Variants in KCP observed in about 807,000 individuals in gnomAD.
KCP encodes the protein kielin cysteine rich BMP regulator, also known as kielin/chordin-like protein.
Under a neutral mutation model 212.7 loss-of-function variants are expected in KCP, and 194 were observed. The observed-to-expected ratio is 0.91, with a 90% confidence interval of 0.81 to 1.03. The LOEUF (loss-of-function observed/expected upper bound fraction) is 1.03. Ranked by LOEUF, KCP falls within the 50% of genes least tolerant of loss-of-function variation. The pLI, the probability that KCP is intolerant of heterozygous loss-of-function variation, is 0.00. For missense variants in KCP, 2,080 were observed against 2,162.5 expected, an observed-to-expected ratio of 0.96 and a Z score of 0.76; for synonymous variants, 833 against 865.3, an observed-to-expected ratio of 0.96 and a Z score of 0.65.
At chr7:128,902,564 A>C (rs1395484865) in intron 8 of KCP, among the ~76,000 whole-genome samples, 1 of 152,132 alleles carries the variant, frequency 6.6e-6, no homozygotes, top group African/African-American at 2.4e-5. Context: ...TTCATTCACT[A>C]ACCCGGGCTG....
At position 128,907,278 on chromosome 7, in the gene KCP, A is replaced by AG; in HGVS notation, c.394dup (p.Leu132ProfsTer49). 1 of 1,534,148 alleles carries AG rather than the reference A, an allele frequency of 6.5e-7. No individual in the cohort carries two copies. Among genetic ancestry groups the AG allele is most frequent in the Non-Finnish European group, 8.8e-7 (1 of 1,133,062 alleles). On this transcript the variant is annotated frameshift_variant, in exon 3 of 40. Coordinates refer to ENST00000610776, the MANE Select transcript of KCP (RefSeq NM_001366122.1). LOFTEE classifies it high-confidence loss of function. ...GTGGCACTTACCCCTGCAATGGGGCAGGTGTGCTTGGGGGCCACAGTGAGC... is the reference window on the plus strand; with the variant it reads ...GTGGCACTTACCCCTGCAATGGGGCAGGGTGTGCTTGGGGGCCACAGTGAGC...
chr7:128,884,009 G>C lies in KCP; in HGVS notation c.3237C>G (p.Thr1079=), dbSNP rs528530371. 44 of 1,548,784 alleles carry C rather than the reference G, an allele frequency of 2.8e-5. 1 individual carries two copies. The Admixed American group carries it at 6.7e-4, about 24-fold the overall frequency. ...LPPGPQHCCP[T]CAEALSNCSE... ...CCACATCCCTGGACTCACCGGCACAGGTGGGACAGCAGTGCTGGGGCCCAG... is the reference window on the plus strand; with the variant it reads ...CCACATCCCTGGACTCACCGGCACACGTGGGACAGCAGTGCTGGGGCCCAG... The change falls in exon 29 of 40, where the codon ACC becomes ACG. Residue 1079 remains threonine (T), a synonymous_variant. Transcript: ENST00000610776.
chr7:128,908,392 T>A, intron 2 of KCP, 34 bp downstream of exon 2: 1 of 1,536,674 alleles, frequency 6.5e-7, no homozygotes, highest in Non-Finnish European at 8.8e-7. Context: ...AAGCCCTCCT[T>A]ACCCAATGCA....
Position 128,907,459 on chromosome 7 carries a change from G to C in KCP, c.220-6C>G. On this transcript the variant is annotated splice_region_variant and splice_polypyrimidine_tract_variant and intron_variant, in intron 2 of 39. Coordinates refer to ENST00000610776, the MANE Select transcript of KCP (RefSeq NM_001366122.1). Reference sequence around the variant, plus strand: ...CTCGTCTGCAGGTCCTTATTCTGGAGGAAGGAGATGGAATAGCAGGCACTG... The same window carrying C: ...CTCGTCTGCAGGTCCTTATTCTGGACGAAGGAGATGGAATAGCAGGCACTG... The C allele has an allele frequency of 6.8e-7, 1 of 1,463,166 alleles. No individual in the cohort carries two copies. The highest frequency in any genetic ancestry group is 9.1e-7 in the Non-Finnish European group (1 of 1,098,580). The allele number at this position is 1,463,166 out of a possible 1,614,324, so 90.6% of individuals were successfully genotyped here.
intron 2 of KCP, among the ~76,000 whole-genome samples, 148 bp downstream of exon 2, chr7:128,908,271 AAAGAAAG>A (rs1795251468): frequency 6.7e-6 from 1 of 149,684 alleles, no homozygotes; most frequent in African/African-American, 2.5e-5. Flanking sequence ...AGAAAGAAAG[AAAGAAAG>A]AAAGAAAGAA....
rs992481657 is a variant in KCP at position 128,884,053 on chromosome 7, G to C, written c.3193C>G (p.Pro1065Ala). 1.3e-4 allele frequency: 204 copies of C among 1,546,074 alleles called. No homozygotes were observed. The highest frequency in any genetic ancestry group is 1.7e-4 in the Non-Finnish European group (192 of 1,145,470). ...RQCPSLVGCP[P>A]SQLLPPGPQH... ...GGCCCAGGGGGCAGGAGCTGGCTGG[G>C]GGGGCAGCCCACCAGGCTGGGACAC... The change falls in exon 29 of 40, where the codon CCC becomes GCC. Residue 1065 changes from proline (P) to alanine (A), a missense_variant. Physicochemically the swap from Pro to Ala is conservative, Grantham distance 27 (BLOSUM62 -1). Transcript: ENST00000610776.
intron 5 of KCP, among the ~76,000 whole-genome samples, chr7:128,905,397 G>A (rs1489924402): frequency 6.6e-6 from 1 of 152,052 alleles, no homozygotes; most frequent in Non-Finnish European, 1.5e-5. Context: ...CCCCTGCATA[G>A]CCATGACCTC....
intron 28 of KCP, 48 bp from the exon 29 acceptor site, chr7:128,884,170 G>A (rs1793503756): frequency 6.6e-7 from 1 of 1,505,614 alleles, no homozygotes. Flanking sequence ...CAAAAACCCA[G>A]AGCTGCCCTT....
In KCP at chr7:128,907,152, G is replaced by C. The variant is rs909358331; in HGVS notation, c.435C>G (p.Tyr145Ter). ...CTGGGGAGAAGGTCTCCCCGTTGCCGTAGGTCTGGCCATTTTGGCTGCAGC... is the reference window on the plus strand; with the variant it reads ...CTGGGGAGAAGGTCTCCCCGTTGCCCTAGGTCTGGCCATTTTGGCTGCAGC... ...CRGCSQNGQT[Y>*]GNGETFSPDA... Residue 145 changes from tyrosine (Y) to a stop codon, truncating the protein, a stop_gained, in exon 4 of 40, where the codon TAC (tyrosine) becomes TAG (stop). Coordinates refer to ENST00000610776, the MANE Select transcript of KCP (RefSeq NM_001366122.1). LOFTEE classifies it high-confidence loss of function. The C allele has an allele frequency of 6.4e-7, 1 of 1,551,548 alleles. No individual in the cohort carries two copies. The highest frequency in any genetic ancestry group is 8.7e-7 in the Non-Finnish European group (1 of 1,146,894).
At chr7:128,888,597 C>A (rs1387518340) in intron 22 of KCP, among the ~76,000 whole-genome samples, 2 of 147,896 alleles carry the variant, frequency 1.4e-5, no homozygotes, top group East Asian at 4.2e-4. Context: ...CACACAGAGC[C>A]ACACACACAC....
chr7:128,882,606 CT>C (rs777122237), intron 29 of KCP, among the ~76,000 whole-genome samples: 1 of 152,192 alleles, frequency 6.6e-6, no homozygotes, highest in Admixed American at 6.5e-5. Flanking sequence ...TTCCCTTCCC[CT>C]GAAGCACCCC....
Position 128,892,967 on chromosome 7 carries a change from C to T in KCP, c.1322G>A (p.Gly441Asp), listed in dbSNP as rs1794267432. The change falls in exon 14 of 40, where the codon GGT becomes GAT. Residue 441 changes from glycine (G) to aspartate (D), a missense_variant. Gly to Asp is a moderately conservative substitution (Grantham distance 94). Coordinates refer to ENST00000610776, the MANE Select transcript of KCP (RefSeq NM_001366122.1). The part of the protein sequence containing the change: ...FAEGVQWEPD[G>D]RPCTACVCQD... Reference sequence around the variant, plus strand: ...ACAGACGCAGGCGGTGCAGGGCCGACCATCAGGCTCCCACTGGACTCCCTC... The same window carrying T: ...ACAGACGCAGGCGGTGCAGGGCCGATCATCAGGCTCCCACTGGACTCCCTC... 11 of 1,219,742 alleles carry T rather than the reference C, an allele frequency of 9.0e-6. No homozygotes were observed. Among genetic ancestry groups the T allele is most frequent in the Non-Finnish European group, 1.3e-5 (11 of 843,896 alleles). 75.6% of individuals were successfully genotyped at this position (1,219,742 alleles called of 1,614,324 possible).
chr7:128,893,706 G>A, intron 11 of KCP, 100 bp downstream of exon 11: 1 of 1,313,670 alleles, frequency 7.6e-7, no homozygotes, highest in Non-Finnish European at 1.0e-6. Flanking sequence ...TGGGAACAGG[G>A]TAACAGGGGC....
chr7:128,902,826 C>T lies in KCP; in HGVS notation c.782G>A (p.Gly261Asp), dbSNP rs1462416978. 6.4e-7 allele frequency: 1 copy of T among 1,551,456 alleles called. No homozygotes were observed. Among genetic ancestry groups the T allele is most frequent in the Non-Finnish European group, 8.7e-7 (1 of 1,146,992 alleles). The change falls in exon 8 of 40, where the codon GGC becomes GAC. Residue 261 changes from glycine (G) to aspartate (D), a missense_variant. Gly to Asp is a moderately conservative substitution (Grantham distance 94). Transcript: ENST00000610776. ...GTCCCCAGGTGTTGTCCACTCTTGG[C>T]CATGTTCCCAGTGAGAGCCACCTTC... ...CTEGGSHWEH[G>D]QEWTTPGDPC...
In KCP at chr7:128,888,985, C is replaced by CG. The variant is rs775476746; in HGVS notation, c.2389dup (p.Arg797ProfsTer22). ...ACAGGTACACAGGTTGCAGGGTTCT[C>CG]GGGGGTCTGGGAACTCCTGGTTACT... On this transcript the variant is annotated frameshift_variant, in exon 22 of 40. Coordinates refer to ENST00000610776, the MANE Select transcript of KCP (RefSeq NM_001366122.1). LOFTEE classifies it high-confidence loss of function. 87 of 1,542,782 alleles carry CG rather than the reference C, an allele frequency of 5.6e-5. No individual in the cohort carries two copies. The highest frequency in any genetic ancestry group is 8.1e-5 in the Admixed American group (4 of 49,576).
chr7:128,878,943 C>T, intron 37 of KCP: 1 of 523,704 alleles, frequency 1.9e-6, no homozygotes, highest in Non-Finnish European at 3.4e-6. Context: ...GGAGGAGCTG[C>T]CCACAGCTCC....
intron 6 of KCP, 64 bp from the exon 7 acceptor site, chr7:128,903,884 T>C (rs939708840): frequency 3.1e-5 from 18 of 576,168 alleles, no homozygotes; most frequent in Non-Finnish European, 3.9e-5. Context: ...GGTGGGCGGG[T>C]GTTGGGCACC....
chr7:128,885,698 C>T (rs1374789713), intron 26 of KCP, among the ~76,000 whole-genome samples: 1 of 152,156 alleles, frequency 6.6e-6, no homozygotes, highest in Non-Finnish European at 1.5e-5. Context: ...GCCTCCCTCC[C>T]AGAGCAAGTG....
At chr7:128,881,157 G>A in intron 31 of KCP, 72 bp from the exon 32 acceptor site, 1 of 398,936 alleles carries the variant, frequency 2.5e-6, no homozygotes. Flanking sequence ...AGCTTACCCA[G>A]CATTTCACGG....
Sources: allele counts gnomAD v4.1 joint callset (sites outside exome capture counted in the v4.1 genomes callset), GRCh38; gene constraint gnomAD v4.1.1; transcripts MANE v1.5; gene names NCBI Gene and HGNC (gene_info 2026-07-23, HGNC 2026-07-21).